Variants in LTBP2 observed in about 807,000 individuals in gnomAD.
LTBP2 encodes the protein latent-transforming growth factor beta-binding protein 2.
LTBP2 carries 103 observed loss-of-function variants against 210.6 expected under a neutral mutation model. That is an observed-to-expected ratio of 0.49 (90% confidence interval 0.42 to 0.58). The LOEUF (loss-of-function observed/expected upper bound fraction) is 0.58, where lower values mean the gene tolerates loss of function less well. Among genes scored for constraint, LTBP2 ranks in the 20% least tolerant of loss-of-function variants. The probability of loss-of-function intolerance (pLI) is 0.00; values close to 1 mark genes in which losing one functional copy is unlikely to be tolerated. For synonymous variants in LTBP2, 1,007 were observed against 1,015.0 expected, an observed-to-expected ratio of 0.99 and a Z score of 0.15; for missense variants, 2,313 against 2,494.5, an observed-to-expected ratio of 0.93 and a Z score of 1.55.
chr14:74,605,184 G>A (rs563454743), intron 1 of LTBP2, among the ~76,000 whole-genome samples: 1 of 152,376 alleles, frequency 6.6e-6, no homozygotes, highest in African/African-American at 2.4e-5. Flanking sequence ...GGCGACATCT[G>A]GTCCCACTTA....
intron 22 of LTBP2, 92 bp from the exon 23 acceptor site, chr14:74,509,044 G>A (rs2087032735): frequency 1.0e-5 from 16 of 1,587,702 alleles, no homozygotes; most frequent in Non-Finnish European, 1.4e-5. Context: ...CCTGTCACCT[G>A]CCTGCAGAGC....
chr14:74,536,271 A>G (rs1239846499), intron 8 of LTBP2, among the ~76,000 whole-genome samples: 1 of 152,236 alleles, frequency 6.6e-6, no homozygotes, highest in Non-Finnish European at 1.5e-5. Context: ...GGGACCTAAG[A>G]AAAGCAAACC....
At chr14:74,517,408 C>T (rs550230027) in intron 17 of LTBP2, among the ~76,000 whole-genome samples, 11 of 151,966 alleles carry the variant, frequency 7.2e-5, no homozygotes, top group Non-Finnish European at 1.0e-4. Flanking sequence ...GGCTGGAGTG[C>T]GATGGCGCCA....
chr14:74,536,288 A>C (rs2087420715), intron 8 of LTBP2, among the ~76,000 whole-genome samples: 1 of 152,238 alleles, frequency 6.6e-6, no homozygotes, highest in South Asian at 2.1e-4. Flanking sequence ...AACCCATAGA[A>C]GCAGAGTAGA....
intron 15 of LTBP2, among the ~76,000 whole-genome samples, chr14:74,524,493 A>G (rs2087246518): frequency 1.3e-5 from 2 of 152,100 alleles, no homozygotes; most frequent in Admixed American, 6.5e-5. Context: ...ACACGTGTAC[A>G]GGGAGCAGCG....
Position 74,552,257 on chromosome 14 carries a change from G to A in LTBP2, c.1329C>T (p.Ser443=), listed in dbSNP as rs749673341. The change falls in exon 6 of 36, where the codon TCC becomes TCT. Residue 443 remains serine (S), a synonymous_variant. Coordinates refer to ENST00000261978, the MANE Select transcript of LTBP2 (RefSeq NM_000428.3). ...QPDREPPGRG[S]RPRALLEAPL... ...GGGCTTCCAGCAAGGCCCTGGGGCG[G>A]GACCCCCTCCCTGGAGGCTCCCTGT... The A allele has an allele frequency of 4.3e-6, 7 of 1,613,060 alleles. No homozygotes were observed. The African/African-American group carries it at 9.3e-5, about 22-fold the overall frequency.
intron 2 of LTBP2, among the ~76,000 whole-genome samples, chr14:74,597,808 C>T (rs547660129): frequency 1.3e-5 from 2 of 152,294 alleles, no homozygotes; most frequent in African/African-American, 4.8e-5. Flanking sequence ...CACTCCCTGC[C>T]AACTTCAGAG....
chr14:74,505,200 G>A (rs2086966761), intron 28 of LTBP2, 26 bp from the exon 29 acceptor site: 1 of 1,608,808 alleles, frequency 6.2e-7, no homozygotes, highest in South Asian at 1.1e-5. Context: ...GCTCATTACT[G>A]TCTGTTCATG....
chr14:74,570,042 A>G (rs1404128037), intron 3 of LTBP2, among the ~76,000 whole-genome samples: 1 of 152,202 alleles, frequency 6.6e-6, no homozygotes, highest in Non-Finnish European at 1.5e-5. Context: ...AGCCATGAAA[A>G]GGGAATGAAA....
intron 7 of LTBP2, 50 bp from the exon 8 acceptor site, chr14:74,550,015 G>C: frequency 8.3e-7 from 1 of 1,210,664 alleles, no homozygotes; most frequent in Non-Finnish European, 1.2e-6. Context: ...TCCCTCCCAG[G>C]CTGTGCACAG....
intron 3 of LTBP2, among the ~76,000 whole-genome samples, chr14:74,578,817 T>C (rs1051759193): frequency 2.6e-5 from 4 of 152,156 alleles, no homozygotes; most frequent in Non-Finnish European, 5.9e-5. Context: ...CCAGGCTGGG[T>C]GTCTGTTCCC....
chr14:74,500,343 A>T lies in LTBP2; in HGVS notation c.*541T>A, dbSNP rs1157656422. The stretch of plus-strand genomic sequence containing the variant: ...GGGCTACAGGATGGAGGTGTGGCAA[A>T]ATCAGGGCCCAGAACAGATTGGCTG... On this transcript the variant is annotated 3_prime_UTR_variant, in exon 36 of 36. Coordinates refer to ENST00000261978, the MANE Select transcript of LTBP2 (RefSeq NM_000428.3). 2 of 263,910 alleles carry T rather than the reference A, an allele frequency of 7.6e-6. No homozygotes were observed. Among genetic ancestry groups the T allele is most frequent in the Non-Finnish European group, 1.5e-5 (2 of 135,576 alleles). 16.3% of individuals were successfully genotyped at this position (263,910 alleles called of 1,614,324 possible).
intron 1 of LTBP2, among the ~76,000 whole-genome samples, chr14:74,604,184 A>AAAAC (rs2088491789): frequency 1.3e-5 from 2 of 148,702 alleles, no homozygotes; most frequent in African/African-American, 2.5e-5. Context: ...AAAAAAAAAA[A>AAAAC]CCACACACAC....
intron 3 of LTBP2, among the ~76,000 whole-genome samples, chr14:74,567,101 G>C (rs185358157): frequency 6.6e-6 from 1 of 152,310 alleles, no homozygotes; most frequent in Admixed American, 6.5e-5. Context: ...GCAGGGAGAC[G>C]GAGGGAGGCA....
chr14:74,533,372 T>C (rs1266384790), intron 9 of LTBP2, among the ~76,000 whole-genome samples: 1 of 152,022 alleles, frequency 6.6e-6, no homozygotes, highest in Non-Finnish European at 1.5e-5. Context: ...CATGTTGAGA[T>C]GCAGACAGGA....
chr14:74,511,477 G>A (rs1452893131), intron 18 of LTBP2, 113 bp from the exon 19 acceptor site: 1 of 1,342,766 alleles, frequency 7.4e-7, no homozygotes, highest in African/African-American at 1.4e-5. Flanking sequence ...GATGGACAGA[G>A]GGAAACTAGG....
Position 74,501,511 on chromosome 14 carries a change from G to A in LTBP2, c.5250C>T (p.Arg1750=), listed in dbSNP as rs201736724. The A allele has an allele frequency of 2.8e-5, 46 of 1,614,150 alleles. No individual in the cohort carries two copies. The East Asian group carries it at 7.8e-4, about 27-fold the overall frequency. ...AGTCACAGGTGTAGCCCTCCCGCAC[G>A]CGCACACAGCGGCCATTCTCACAGC... The part of the protein sequence containing the change: ...LNGCENGRCV[R]VREGYTCDCF... The change falls in exon 35 of 36, where the codon CGC becomes CGT. Residue 1750 remains arginine (R), a synonymous_variant. Transcript: ENST00000261978.
chr14:74,529,079 C>G lies in LTBP2; in HGVS notation c.2031G>C (p.Ser677=), dbSNP rs774609093. 1 of 1,555,280 alleles carries G rather than the reference C, an allele frequency of 6.4e-7. No homozygotes were observed. Among genetic ancestry groups the G allele is most frequent in the African/African-American group, 1.4e-5 (1 of 73,350 alleles). The change falls in exon 11 of 36, where the codon TCG becomes TCC. Residue 677 remains serine, a synonymous_variant. Coordinates refer to ENST00000261978, the MANE Select transcript of LTBP2 (RefSeq NM_000428.3). The part of the protein sequence containing the change: ...ISMLQGLCYR[S]LGPGTCTLPL... The stretch of plus-strand genomic sequence containing the variant: ...GCAGGGTGCAGGTGCCGGGCCCCAG[C>G]GACCGGTAGCACAGTCCCTGCAGCA...
At chr14:74,592,031 T>C (rs1303425933) in intron 2 of LTBP2, among the ~76,000 whole-genome samples, 5 of 152,222 alleles carry the variant, frequency 3.3e-5, no homozygotes, top group Non-Finnish European at 4.4e-5. Context: ...GTACTTAAGA[T>C]ATTTTTGGAA....
Sources: allele counts gnomAD v4.1 joint callset (sites outside exome capture counted in the v4.1 genomes callset), GRCh38; gene constraint gnomAD v4.1.1; transcripts MANE v1.5; gene names NCBI Gene and HGNC (gene_info 2026-07-23, HGNC 2026-07-21).